The following STX11 variants were observed in gnomAD, a reference collection of about 807,000 sequenced individuals.
The protein encoded by STX11 is syntaxin-11.
In STX11, 21 loss-of-function variants were observed where a neutral mutation model predicts 19.9. That is an observed-to-expected ratio of 1.06 (90% confidence interval 0.75 to 1.52). The LOEUF (loss-of-function observed/expected upper bound fraction) is 1.52. STX11 is among the 40% of genes most tolerant of loss of function. The probability of loss-of-function intolerance (pLI) is 0.00; values close to 1 mark genes in which losing one functional copy is unlikely to be tolerated. For missense variants in STX11, 438 were observed against 405.9 expected, an observed-to-expected ratio of 1.08 and a Z score of -0.68; for synonymous variants, 193 against 174.4, an observed-to-expected ratio of 1.11 and a Z score of -0.84.
chr6:144,144,015 G>A, the STX11 span, among the ~76,000 whole-genome samples: 1 of 152,158 alleles, frequency 6.6e-6, no homozygotes, highest in Admixed American at 6.6e-5. Context: ...ATATTCCTAG[G>A]TCTTGTTATG....
chr6:144,164,666 A>T (rs1008239739), intron 1 of STX11, among the ~76,000 whole-genome samples: 6 of 152,100 alleles, frequency 3.9e-5, no homozygotes, highest in Admixed American at 3.9e-4. Context: ...ATACCTGTAG[A>T]TGTTGATTCT....
At position 144,177,847 on chromosome 6, in the gene STX11, T is replaced by C. The variant is rs558154840; in HGVS notation, c.-5-8776T>C. 6.6e-6 allele frequency among the ~76,000 whole-genome samples: 1 copy of C among 152,362 alleles called. No individual in the cohort carries two copies. Among genetic ancestry groups the C allele is most frequent in the African/African-American group, 2.4e-5 (1 of 41,582 alleles). ...TACATCTCCAAGTGTCTGTATTCTG[T>C]TATTTCAGAGAGTTAATAATTTTAT... On this transcript the variant is annotated intron_variant, in intron 1 of 1. Coordinates refer to ENST00000367568, the MANE Select transcript of STX11 (RefSeq NM_003764.4). The surrounding 1 kb of genome is among the most constrained non-coding windows in gnomAD (Gnocchi z 4.4).
rs1241709568 is a variant in STX11 at position 144,165,487 on chromosome 6, T to A, written c.-6+14784T>A. Among the ~76,000 whole-genome samples, 1 of 152,056 alleles carries A rather than the reference T, an allele frequency of 6.6e-6. No homozygotes were observed. Among genetic ancestry groups the A allele is most frequent in the African/African-American group, 2.4e-5 (1 of 41,420 alleles). On this transcript the variant is annotated intron_variant, in intron 1 of 1. Transcript: ENST00000367568. The surrounding 1 kb of genome is among the most constrained non-coding windows in gnomAD (Gnocchi z 5.8). Reference sequence around the variant, plus strand: ...AAAAAGAAAAACAAAAAAGAAAAATTTTCTTTACAATAAGTGAGTTTGTTT... The same window carrying A: ...AAAAAGAAAAACAAAAAAGAAAAATATTCTTTACAATAAGTGAGTTTGTTT...
Position 144,180,533 on chromosome 6 carries a change from G to A in STX11, c.-5-6090G>A, listed in dbSNP as rs763659394. ...CATGAGATCTGATGGGTTTATCAGG[G>A]GTTTCTGCTTTTGCTCCTTCCTCAT... is the stretch of plus-strand genomic sequence containing the variant. On this transcript the variant is annotated intron_variant, in intron 1 of 1. Transcript: ENST00000367568. This position sits in a 1 kb window ranked among gnomAD's most constrained non-coding sequence, Gnocchi z 5.3. Among the ~76,000 whole-genome samples the A allele has an allele frequency of 6.6e-6, 1 of 152,108 alleles. No homozygotes were observed. Among genetic ancestry groups the A allele is most frequent in the Non-Finnish European group, 1.5e-5 (1 of 68,036 alleles).
chr6:144,166,530 T>C (rs1438519143), intron 1 of STX11, among the ~76,000 whole-genome samples: 1 of 147,752 alleles, frequency 6.8e-6, no homozygotes, highest in East Asian at 2.0e-4. Context: ...CTTTCCTTTT[T>C]TTTTTTTTTT....
rs1801304809 is a variant in STX11, at chr6:144,160,393, T to TAAAAAG, written c.-6+9690_-6+9691insAAAAAG. ...TTTGAGACTTCCTGATTTTTAACTT[T>TAAAAAG]TGAAGCTTTGCAGCTCTTCTGCTGC... On this transcript the variant is annotated intron_variant, in intron 1 of 1. Coordinates refer to ENST00000367568, the MANE Select transcript of STX11 (RefSeq NM_003764.4). This position sits in a 1 kb window ranked among gnomAD's most constrained non-coding sequence, Gnocchi z 4.3. 6.6e-6 allele frequency among the ~76,000 whole-genome samples: 1 copy of TAAAAAG among 152,222 alleles called. No homozygotes were observed. The highest frequency in any genetic ancestry group is 1.5e-5 in the Non-Finnish European group (1 of 68,042).
At position 144,160,249 on chromosome 6, in the gene STX11, G is replaced by A. The variant is rs529969859; in HGVS notation, c.-6+9546G>A. Among the ~76,000 whole-genome samples, 43 of 152,098 alleles carry A rather than the reference G, an allele frequency of 2.8e-4. No homozygotes were observed. Among genetic ancestry groups the A allele is most frequent in the African/African-American group, 9.6e-4 (40 of 41,472 alleles). Reference sequence around the variant, plus strand: ...TCGAACTCCTGACCTCAGGTGAACCGCCTGCCTCAGCCTACCAAAGTGCTG... The same window carrying A: ...TCGAACTCCTGACCTCAGGTGAACCACCTGCCTCAGCCTACCAAAGTGCTG... On this transcript the variant is annotated intron_variant, in intron 1 of 1. Transcript: ENST00000367568. This position sits in a 1 kb window ranked among gnomAD's most constrained non-coding sequence, Gnocchi z 4.3.
intron 1 of STX11, among the ~76,000 whole-genome samples, chr6:144,164,654 C>T (rs1412819234): frequency 6.6e-6 from 1 of 152,090 alleles, no homozygotes; most frequent in African/African-American, 2.4e-5. Context: ...AGATTTTTTT[C>T]AATACCTGTA....
intron 1 of STX11, among the ~76,000 whole-genome samples, chr6:144,179,121 G>C (rs2128753998): frequency 6.6e-6 from 1 of 152,310 alleles, no homozygotes; most frequent in East Asian, 1.9e-4. Context: ...CACATCTTAT[G>C]TGGATGGTGG....
At chr6:144,141,176 G>A in the STX11 span, among the ~76,000 whole-genome samples, 1 of 152,258 alleles carries the variant, frequency 6.6e-6, no homozygotes, top group African/African-American at 2.4e-5. Flanking sequence ...TTTCCATAAA[G>A]AGCTATTAAG....
At chr6:144,149,184 T>C (rs1416294485), upstream of STX11, among the ~76,000 whole-genome samples, 2 of 152,196 alleles carry the variant, frequency 1.3e-5, no homozygotes, top group Non-Finnish European at 2.9e-5. The surrounding 1 kb of genome is among the most constrained non-coding windows in gnomAD (Gnocchi z 5.1). Flanking sequence ...CATTGTACTA[T>C]TTTGGAGGAA....
At position 144,175,030 on chromosome 6, in the gene STX11, C is replaced by G. The variant is rs1168706264; in HGVS notation, c.-5-11593C>G. On this transcript the variant is annotated intron_variant, in intron 1 of 1. Coordinates refer to ENST00000367568, the MANE Select transcript of STX11 (RefSeq NM_003764.4). The surrounding 1 kb of genome is among the most constrained non-coding windows in gnomAD (Gnocchi z 5.1). ...TCGGGAGGCTGAGGCGGGTGGATCA[C>G]TTGAGGCCAAGAGTTCGAGACCAAC... Among the ~76,000 whole-genome samples, 5 of 151,962 alleles carry G rather than the reference C, an allele frequency of 3.3e-5. No individual in the cohort carries two copies. The highest frequency in any genetic ancestry group is 9.7e-5 in the African/African-American group (4 of 41,390).
At position 144,176,514 on chromosome 6, in the gene STX11, G is replaced by C. The variant is rs1801781319; in HGVS notation, c.-5-10109G>C. On this transcript the variant is annotated intron_variant, in intron 1 of 1. Coordinates refer to ENST00000367568, the MANE Select transcript of STX11 (RefSeq NM_003764.4). This position sits in a 1 kb window ranked among gnomAD's most constrained non-coding sequence, Gnocchi z 4.1. ...TTTTCCTTCCTTGCTTTACGGAGTGGGCTTGATTCTAGAGGGCTGCAGACA... is the reference window on the plus strand; with the variant it reads ...TTTTCCTTCCTTGCTTTACGGAGTGCGCTTGATTCTAGAGGGCTGCAGACA... Among the ~76,000 whole-genome samples, 1 of 152,092 alleles carries C rather than the reference G, an allele frequency of 6.6e-6. No homozygotes were observed. The highest frequency in any genetic ancestry group is 2.4e-5 in the African/African-American group (1 of 41,390).
the STX11 span, chr6:144,140,951 C>G: frequency 2.9e-5 from 8 of 280,216 alleles, no homozygotes; most frequent in African/African-American, 1.6e-4. Flanking sequence ...CATTCAAAAC[C>G]AGTATTTCAA....
Position 144,166,727 on chromosome 6 carries a change from C to T in STX11, c.-6+16024C>T, listed in dbSNP as rs1457704746. On this transcript the variant is annotated intron_variant, in intron 1 of 1. Transcript: ENST00000367568. ...TTTTAGTAGACCCGGGATTTCACCA[C>T]GTTGGCCAGGCTGGTCTCAAACTCC... Among the ~76,000 whole-genome samples, 5 of 151,790 alleles carry T rather than the reference C, an allele frequency of 3.3e-5. 1 individual carries two copies. Among genetic ancestry groups the T allele is most frequent in the Admixed American group, 2.0e-4 (3 of 15,216 alleles).
Position 144,157,877 on chromosome 6 carries a change from C to T in STX11, c.-6+7174C>T, listed in dbSNP as rs187739770. Among the ~76,000 whole-genome samples, 27 of 152,062 alleles carry T rather than the reference C, an allele frequency of 1.8e-4. No homozygotes were observed. The South Asian group carries it at 4.4e-3, about 25-fold the overall frequency. On this transcript the variant is annotated intron_variant, in intron 1 of 1. Coordinates refer to ENST00000367568, the MANE Select transcript of STX11 (RefSeq NM_003764.4). Reference sequence around the variant, plus strand: ...TTAGGGTTCCCCCCGCTCTCTCTCTCGCTCTCTCTTTCAAGCCCTTGAAAG... The same window carrying T: ...TTAGGGTTCCCCCCGCTCTCTCTCTTGCTCTCTCTTTCAAGCCCTTGAAAG...
chr6:144,187,738 A>G lies in STX11; in HGVS notation c.*247A>G, dbSNP rs1802100664. 3.3e-6 allele frequency: 2 copies of G among 605,380 alleles called. No individual in the cohort carries two copies. The highest frequency in any genetic ancestry group is 6.0e-5 in the Admixed American group (2 of 33,270). The allele number at this position is 605,380 out of a possible 1,614,324, so 37.5% of individuals were successfully genotyped here. On this transcript the variant is annotated 3_prime_UTR_variant, in exon 2 of 2. Transcript: ENST00000367568. The surrounding 1 kb of genome is among the most constrained non-coding windows in gnomAD (Gnocchi z 5.6). ...CAAAGTTGTGCAATGTCATTATATG[A>G]CACCTTGCACTCTTACCGTCTTGAC...
chr6:144,186,070 G>GT (rs1363371833), intron 1 of STX11, among the ~76,000 whole-genome samples: 1 of 119,942 alleles, frequency 8.3e-6, no homozygotes, highest in Admixed American at 8.7e-5. Flanking sequence ...TTTTTTTTCT[G>GT]TGTCTGTTTT....
chr6:144,179,249 A>G (rs1423817637), intron 1 of STX11, among the ~76,000 whole-genome samples: 1 of 152,228 alleles, frequency 6.6e-6, no homozygotes. Context: ...CCCATGATTC[A>G]GTTATCTCCC....
Sources: gnomAD v4.1 joint callset for allele counts (sites outside exome capture counted in the v4.1 genomes callset) on GRCh38, gnomAD v4.1.1 for gene constraint, Gnocchi (gnomAD v3.1) non-coding constraint, MANE v1.5 for transcripts, NCBI Gene and HGNC (gene_info 2026-07-23, HGNC 2026-07-21) for gene names.